Variants in ZNF445 observed in about 807,000 individuals in gnomAD.
The protein encoded by ZNF445 is zinc finger protein 445.
ZNF445 carries 19 observed loss-of-function variants against 93.9 expected under a neutral mutation model. The ratio of observed to expected loss-of-function variants is 0.20; its 90% CI spans 0.14 to 0.30. ZNF445 has a LOEUF of 0.30. ZNF445 is among the 10% of genes least tolerant of loss of function. ZNF445 has a pLI of 1.00. For synonymous variants in ZNF445, 449 were observed against 446.3 expected (o/e 1.01, Z -0.08); for missense variants, 1,058 against 1,259.4 (o/e 0.84, Z 2.42).
chr3:44,447,737 C>T lies in ZNF445; in HGVS notation c.1934G>A (p.Arg645Lys). 6.2e-7 allele frequency: 1 copy of T among 1,614,188 alleles called. No individual in the cohort carries two copies. The highest frequency in any genetic ancestry group is 1.1e-5 in the South Asian group (1 of 91,084). ...GTAGAATTTTTCCTCCTCATGCAACCTCATATGACGAGTAAAGTTTGATCT... is the reference window on the plus strand; with the variant it reads ...GTAGAATTTTTCCTCCTCATGCAACTTCATATGACGAGTAAAGTTTGATCT... ...RWRSNFTRHM[R>K]LHEEEKFYKQ... The change falls in exon 8 of 8, where the codon AGG becomes AAG. Residue 645 changes from arginine (R) to lysine (K), a missense_variant. Arg to Lys is a conservative substitution (Grantham distance 26, BLOSUM62 2). Around this residue, in one of 3 missense-constraint regions of ZNF445, gnomAD observed 387 missense variants for 475.7 expected, o/e 0.81. Transcript: ENST00000396077. This position sits in a 1 kb window ranked among gnomAD's most constrained non-coding sequence, Gnocchi z 4.7.
In ZNF445 at chr3:44,438,009, C is replaced by T. The variant is rs893368112; in HGVS notation, c.*8566G>A. 6.5e-6 allele frequency: 1 copy of T among 152,868 alleles called. No homozygotes were observed. Among genetic ancestry groups the T allele is most frequent in the African/African-American group, 2.4e-5 (1 of 41,432 alleles). 9.5% of individuals were successfully genotyped at this position (152,868 alleles called of 1,614,324 possible). A position where few individuals can be genotyped will look rare whatever the true frequency, so the allele number is the denominator to read the frequency against. On this transcript the variant is annotated 3_prime_UTR_variant, in exon 8 of 8. Coordinates refer to ENST00000396077, the MANE Select transcript of ZNF445 (RefSeq NM_181489.6). ...GTCGCTCTGGTTCAAATACCTCTGA[C>T]ACTTTTACCCAGCCCCTATTCAACA...
At chr3:44,469,815 G>C (rs1698242204) in intron 1 of ZNF445, among the ~76,000 whole-genome samples, 1 of 151,814 alleles carries the variant, frequency 6.6e-6, no homozygotes, top group South Asian at 2.1e-4. Flanking sequence ...CAAAACAAAG[G>C]AGTACATCAA....
chr3:44,449,080 A>C (rs992185808), intron 7 of ZNF445, among the ~76,000 whole-genome samples: 9 of 152,244 alleles, frequency 5.9e-5, no homozygotes, highest in African/African-American at 2.2e-4. Context: ...TCCAAGGAGC[A>C]CTTGGCTGAA....
At chr3:44,452,006 G>A (rs1230599421) in intron 3 of ZNF445, among the ~76,000 whole-genome samples, 2 of 152,308 alleles carry the variant, frequency 1.3e-5, no homozygotes, top group African/African-American at 2.4e-5. Context: ...TAATAACACT[G>A]ATAGAGAGGC....
At position 44,436,270 on chromosome 3, in the gene ZNF445, G is replaced by T. The variant is rs1697677871; in HGVS notation, c.*10305C>A. On this transcript the variant is annotated 3_prime_UTR_variant, in exon 8 of 8. Transcript: ENST00000396077. ...CTATGATCAGCAGGCAGACATCACA[G>T]ATCTCTGTGGGTCAGACCATTCAGG... 6.6e-6 allele frequency: 1 copy of T among 152,222 alleles called. No homozygotes were observed. Among genetic ancestry groups the T allele is most frequent in the Admixed American group, 6.5e-5 (1 of 15,274 alleles). The allele number at this position is 152,222 out of a possible 1,614,324, so 9.4% of individuals were successfully genotyped here.
At position 44,448,698 on chromosome 3, in the gene ZNF445, G is replaced by C; in HGVS notation, c.973C>G (p.Gln325Glu). 6.2e-7 allele frequency: 1 copy of C among 1,613,346 alleles called. No individual in the cohort carries two copies. The highest frequency in any genetic ancestry group is 1.1e-5 in the South Asian group (1 of 90,844). ...GTTTCTGCTTCTTCCAAAGGTTCCT[G>C]ATTTAAGATGAATTTGTTTGTTTTA... is the stretch of plus-strand genomic sequence containing the variant. ...QSKTNKFILN[Q>E]EPLEEAETLA... The change falls in exon 8 of 8, where the codon CAG becomes GAG. Residue 325 changes from glutamine to glutamate, a missense_variant. By Grantham distance (29) the Gln-to-Glu change is conservative (BLOSUM62 2). Coordinates refer to ENST00000396077, the MANE Select transcript of ZNF445 (RefSeq NM_181489.6).
In ZNF445 at chr3:44,455,199, A is replaced by C. The variant is rs559829513; in HGVS notation, c.351T>G (p.Leu117=). 3.2e-5 allele frequency: 51 copies of C among 1,614,156 alleles called. No homozygotes were observed. The African/African-American group carries it at 6.5e-4, about 21-fold the overall frequency. The change falls in exon 3 of 8, where the codon CTT becomes CTG. Residue 117 remains leucine (L), a synonymous_variant. Transcript: ENST00000396077. ...CCTCCTCGCCACTCTCAGGGTTATG[A>C]AGCTGCACCCAAACCCGGAGCTCCC... ...LPGELRVWVQ[L]HNPESGEEAV... is the part of the protein sequence containing the mutation.
At chr3:44,467,475 T>C (rs4682745) in intron 1 of ZNF445, among the ~76,000 whole-genome samples, 58,797 of 151,862 alleles carry the variant, frequency 0.39, 12,844 homozygotes, top group East Asian at 0.86. Context: ...TGTACAAGCT[T>C]CCTGACAACC....
At position 44,447,522 on chromosome 3, in the gene ZNF445, C is replaced by G. The variant is rs764930331; in HGVS notation, c.2149G>C (p.Asp717His). 84 of 1,614,058 alleles carry G rather than the reference C, an allele frequency of 5.2e-5. No homozygotes were observed. In the South Asian group the frequency reaches 9.1e-4, roughly 18 times the overall value. ...KPYQCSDCGKDFAYRSAFIVH... is the reference protein window; with the variant it reads ...KPYQCSDCGKHFAYRSAFIVH... The stretch of plus-strand genomic sequence containing the variant: ...ATAAAGGCTGACCTATAGGCAAAGT[C>G]CTTCCCACAATCGCTACACTGGTAA... The change falls in exon 8 of 8, where the codon GAC (aspartate) becomes CAC (histidine). Residue 717 changes from aspartate (D) to histidine (H), a missense_variant. Around this residue, in one of 3 missense-constraint regions of ZNF445, gnomAD observed 387 missense variants for 475.7 expected, o/e 0.81. Transcript: ENST00000396077. The surrounding 1 kb of genome is among the most constrained non-coding windows in gnomAD (Gnocchi z 4.7).
chr3:44,462,767 T>C (rs1212447067), intron 1 of ZNF445, among the ~76,000 whole-genome samples: 1 of 152,140 alleles, frequency 6.6e-6, no homozygotes, highest in Non-Finnish European at 1.5e-5. Context: ...AACTGATTAA[T>C]TTCATGTGGG....
chr3:44,450,893 G>C lies in ZNF445; in HGVS notation c.668C>G (p.Thr223Ser). ...CTGGAGCTGGGCTGTCAGGGACCTGGTTGGTGTTACCTGGTCTCCCGGGCA... is the reference window on the plus strand; with the variant it reads ...CTGGAGCTGGGCTGTCAGGGACCTGCTTGGTGTTACCTGGTCTCCCGGGCA... ...EGCPGDQVTP[T>S]RSLTAQLQET... The change falls in exon 5 of 8, where the codon ACC (threonine) becomes AGC (serine). Residue 223 changes from threonine to serine, a missense_variant. Physicochemically the swap from Thr to Ser is moderately conservative, Grantham distance 58 (BLOSUM62 1). Coordinates refer to ENST00000396077, the MANE Select transcript of ZNF445 (RefSeq NM_181489.6). The C allele has an allele frequency of 6.3e-7, 1 of 1,593,608 alleles. No homozygotes were observed. Among genetic ancestry groups the C allele is most frequent in the Non-Finnish European group, 8.5e-7 (1 of 1,170,834 alleles).
intron 1 of ZNF445, among the ~76,000 whole-genome samples, chr3:44,464,852 G>A (rs548173281): frequency 3.3e-5 from 5 of 152,258 alleles, no homozygotes; most frequent in Admixed American, 6.5e-5. Flanking sequence ...GAGGTGGGCA[G>A]ATCACGATGT....
chr3:44,463,903 G>A (rs531276526), intron 1 of ZNF445, among the ~76,000 whole-genome samples: 2 of 152,118 alleles, frequency 1.3e-5, no homozygotes, highest in African/African-American at 4.8e-5. Context: ...TGAGGTGGGC[G>A]ATCACTTGAG....
In ZNF445 at chr3:44,437,993, G is replaced by A. The variant is rs1383346838; in HGVS notation, c.*8582C>T. The A allele has an allele frequency of 6.5e-6, 1 of 152,814 alleles. No homozygotes were observed. Among genetic ancestry groups the A allele is most frequent in the Non-Finnish European group, 1.5e-5 (1 of 68,024 alleles). 9.5% of individuals were successfully genotyped at this position (152,814 alleles called of 1,614,324 possible). On this transcript the variant is annotated 3_prime_UTR_variant, in exon 8 of 8. Transcript: ENST00000396077. ...CCTCACTCAAAATGGAGTCGCTCTG[G>A]TTCAAATACCTCTGACACTTTTACC...
chr3:44,446,513 A>G lies in ZNF445; in HGVS notation c.*62T>C, dbSNP rs1056585666. On this transcript the variant is annotated 3_prime_UTR_variant, in exon 8 of 8. Coordinates refer to ENST00000396077, the MANE Select transcript of ZNF445 (RefSeq NM_181489.6). This position sits in a 1 kb window ranked among gnomAD's most constrained non-coding sequence, Gnocchi z 4.2. Reference sequence around the variant, plus strand: ...ATCAAAGTTACTCCACAATGCCTATAATTAAGGGTTCTCTAGCAGGGGACT... The same window carrying G: ...ATCAAAGTTACTCCACAATGCCTATGATTAAGGGTTCTCTAGCAGGGGACT... 3 of 1,599,634 alleles carry G rather than the reference A, an allele frequency of 1.9e-6. No homozygotes were observed. Among genetic ancestry groups the G allele is most frequent in the Non-Finnish European group, 2.6e-6 (3 of 1,175,702 alleles).
Position 44,455,678 on chromosome 3 carries a change from A to G in ZNF445, c.-129T>C. ...GGACATCAGAAGTCATCAGCAAGTG[A>G]CTGAAATTACCAGCATTTCTGTGCA... On this transcript the variant is annotated 5_prime_UTR_variant, in exon 3 of 8. Transcript: ENST00000396077. The G allele has an allele frequency of 1.2e-6, 1 of 814,922 alleles. No homozygotes were observed. Among genetic ancestry groups the G allele is most frequent in the African/African-American group, 1.7e-5 (1 of 57,962 alleles). The allele number at this position is 814,922 out of a possible 1,614,324, so 50.5% of individuals were successfully genotyped here.
rs1697896027 is a variant in ZNF445 at position 44,447,538 on chromosome 3, A to G, written c.2133T>C (p.Cys711=). ...AGGCAAAGTCCTTCCCACAATCGCT[A>G]CACTGGTAAGGTTTCTCACCTGTGT... ...RIHTGEKPYQ[C]SDCGKDFAYR... Residue 711 remains cysteine (C), a synonymous_variant, in exon 8 of 8, where the codon TGT becomes TGC. Transcript: ENST00000396077. This position sits in a 1 kb window ranked among gnomAD's most constrained non-coding sequence, Gnocchi z 4.7. 6.2e-7 allele frequency: 1 copy of G among 1,614,160 alleles called. No homozygotes were observed. Among genetic ancestry groups the G allele is most frequent in the African/African-American group, 1.3e-5 (1 of 75,052 alleles).
At chr3:44,453,853 C>T (rs1039726696) in intron 3 of ZNF445, among the ~76,000 whole-genome samples, 8 of 152,124 alleles carry the variant, frequency 5.3e-5, no homozygotes, top group Non-Finnish European at 7.3e-5. Context: ...TTCTTCTCAA[C>T]GAACAGAGGC....
rs1343856989 is a variant in ZNF445, at chr3:44,435,344, G to A, written c.*11231C>T. The A allele has an allele frequency of 6.6e-6, 1 of 152,206 alleles. No homozygotes were observed. The highest frequency in any genetic ancestry group is 1.5e-5 in the Non-Finnish European group (1 of 68,048). The allele number at this position is 152,206 out of a possible 1,614,324, so 9.4% of individuals were successfully genotyped here. On this transcript the variant is annotated 3_prime_UTR_variant, in exon 8 of 8. Transcript: ENST00000396077. ...GTGATTGATTTACTGTGTGAGAACA[G>A]AACAAACCTGGGCCTGGCTCAGTAA...
Sources: allele counts gnomAD v4.1 joint callset (sites outside exome capture counted in the v4.1 genomes callset), GRCh38; gene constraint gnomAD v4.1.1; regional missense constraint gnomAD v4.1.1; non-coding constraint Gnocchi (gnomAD v3.1); transcripts MANE v1.5; gene names NCBI Gene and HGNC (gene_info 2026-07-23, HGNC 2026-07-21).